The following C2orf42 variants were observed in gnomAD, a reference collection of about 807,000 sequenced individuals.
C2orf42 encodes the protein uncharacterized protein C2orf42.
C2orf42 carries 44 observed loss-of-function variants against 58.9 expected under a neutral mutation model. The observed-to-expected ratio is 0.75, with a 90% confidence interval of 0.59 to 0.96. The LOEUF is 0.96. Ranked by LOEUF, C2orf42 falls within the 40% of genes least tolerant of loss-of-function variation. The pLI, the probability that C2orf42 is intolerant of heterozygous loss-of-function variation, is 0.00. For synonymous variants in C2orf42, 239 were observed against 265.4 expected (o/e 0.90, Z 0.97); for missense variants, 630 against 699.2 (o/e 0.90, Z 1.12).
chr2:70,188,258 G>C (rs1324583660), intron 1 of C2orf42, among the ~76,000 whole-genome samples: 1 of 150,936 alleles, frequency 6.6e-6, no homozygotes, highest in African/African-American at 2.4e-5. Flanking sequence ...CGTGATCTTG[G>C]CTCACTGCAA....
rs1674666376 is a variant in C2orf42 at position 70,182,811 on chromosome 2, T to A, written c.-157A>T. Reference sequence around the variant, plus strand: ...CTGCTTAACCCAAAATCTTCTGAAGTTTGAGCTGTATGGTGTAACAATGCA... The same window carrying A: ...CTGCTTAACCCAAAATCTTCTGAAGATTGAGCTGTATGGTGTAACAATGCA... On this transcript the variant is annotated 5_prime_UTR_variant, in exon 2 of 10. Coordinates refer to ENST00000264434, the MANE Select transcript of C2orf42 (RefSeq NM_017880.3). 1 of 152,190 alleles carries A rather than the reference T, an allele frequency of 6.6e-6. No homozygotes were observed. The highest frequency in any genetic ancestry group is 2.4e-5 in the African/African-American group (1 of 41,460). The allele number at this position is 152,190 out of a possible 1,614,324, so 9.4% of individuals were successfully genotyped here.
intron 1 of C2orf42, 121 bp downstream of exon 1, chr2:70,190,852 G>A (rs956373654): frequency 8.7e-6 from 1 of 115,244 alleles, no homozygotes; most frequent in Admixed American, 9.7e-5. Context: ...GCTTTCCGCT[G>A]GGAACCCGAG....
intron 8 of C2orf42, among the ~76,000 whole-genome samples, chr2:70,163,243 T>C (rs991011313): frequency 1.3e-5 from 2 of 151,464 alleles, no homozygotes; most frequent in African/African-American, 4.9e-5. Flanking sequence ...TTGAAAAACA[T>C]ACATACATAT....
chr2:70,169,794 T>C (rs1042338847), intron 5 of C2orf42, 133 bp from the exon 6 acceptor site: 1 of 562,170 alleles, frequency 1.8e-6, no homozygotes, highest in Non-Finnish European at 3.2e-6. Context: ...AGGTTCGCCC[T>C]TGTTGCCCAG....
intron 4 of C2orf42, among the ~76,000 whole-genome samples, chr2:70,177,398 C>T (rs1024399587): frequency 1.3e-5 from 2 of 152,076 alleles, no homozygotes; most frequent in African/African-American, 4.8e-5. Context: ...CAAGATCACG[C>T]CACTGCACAA....
Position 70,181,646 on chromosome 2 carries a change from G to T in C2orf42, c.340C>A (p.Arg114=). 1 of 1,614,016 alleles carries T rather than the reference G, an allele frequency of 6.2e-7. No individual in the cohort carries two copies. Among genetic ancestry groups the T allele is most frequent in the Middle Eastern group, 1.6e-4 (1 of 6,062 alleles). ...GTIITQLSSG[R]CYVPSCLKAA... is the part of the protein sequence containing the mutation. ...TTCAGGCATGAGGGGACATAACACC[G>T]TCCAGAGCTCAGCTGAGTGATGATC... Residue 114 remains arginine, a synonymous_variant, in exon 3 of 10, where the codon CGG becomes AGG. Transcript: ENST00000264434.
At chr2:70,158,435 T>C (rs1005192495) in intron 9 of C2orf42, among the ~76,000 whole-genome samples, 4 of 144,962 alleles carry the variant, frequency 2.8e-5, no homozygotes, top group African/African-American at 2.8e-5. Flanking sequence ...TATTTATTTA[T>C]TTATTTATTT....
Position 70,181,587 on chromosome 2 carries a change from GCACTGGTTTTC to G in C2orf42, c.388_398del (p.Glu130ProfsTer53). 6.2e-7 allele frequency: 1 copy of G among 1,614,104 alleles called. No homozygotes were observed. Among genetic ancestry groups the G allele is most frequent in the Non-Finnish European group, 8.5e-7 (1 of 1,180,026 alleles). ...AGTTCACCGCCAGCTTGATGTGCTG[GCACTGGTTTTC>G]CACAACGCCTTGAGTGGCAGCTTTC... On this transcript the variant is annotated frameshift_variant, in exon 3 of 10. Transcript: ENST00000264434. LOFTEE classifies it high-confidence loss of function.
chr2:70,153,276 T>G (rs1044112234), intron 9 of C2orf42, among the ~76,000 whole-genome samples: 1 of 151,464 alleles, frequency 6.6e-6, no homozygotes, highest in African/African-American at 2.4e-5. Flanking sequence ...GCATCAGCGC[T>G]CCACATACAG....
intron 8 of C2orf42, among the ~76,000 whole-genome samples, chr2:70,164,654 A>AAATAG (rs1673283167): frequency 6.6e-6 from 1 of 151,996 alleles, no homozygotes; most frequent in African/African-American, 2.4e-5. Flanking sequence ...AAATAAAATA[A>AAATAG]AAAGGGTCAT....
intron 1 of C2orf42, among the ~76,000 whole-genome samples, chr2:70,189,849 G>A (rs1675220737): frequency 6.7e-6 from 1 of 150,348 alleles, no homozygotes; most frequent in Admixed American, 6.6e-5. Context: ...AACATAGTGA[G>A]ACCCTGTCTC....
intron 1 of C2orf42, among the ~76,000 whole-genome samples, chr2:70,187,680 AT>A (rs1216949219): frequency 6.6e-6 from 1 of 151,950 alleles, no homozygotes; most frequent in Non-Finnish European, 1.5e-5. Flanking sequence ...ATTTCAACAC[AT>A]TTATTACATT....
chr2:70,190,631 G>C (rs1451340339), intron 1 of C2orf42: 2 of 152,206 alleles, frequency 1.3e-5, no homozygotes, highest in Non-Finnish European at 1.5e-5. Context: ...CGGAACAGCG[G>C]AGGAAGACCG....
chr2:70,181,187 C>CT lies in C2orf42; in HGVS notation c.798dup (p.Asp267ArgfsTer6). ...CCGCTGGAATCAAAATTTAGGAAGTCTGAGAATTCCTGAGCCAGTGTCTCA... is the reference window on the plus strand; with the variant it reads ...CCGCTGGAATCAAAATTTAGGAAGTCTTGAGAATTCCTGAGCCAGTGTCTCA... On this transcript the variant is annotated frameshift_variant, in exon 3 of 10. Coordinates refer to ENST00000264434, the MANE Select transcript of C2orf42 (RefSeq NM_017880.3). LOFTEE classifies it high-confidence loss of function. The CT allele has an allele frequency of 6.4e-7, 1 of 1,567,620 alleles. No individual in the cohort carries two copies. Among genetic ancestry groups the CT allele is most frequent in the Non-Finnish European group, 8.7e-7 (1 of 1,153,016 alleles).
intron 1 of C2orf42, among the ~76,000 whole-genome samples, chr2:70,184,490 T>C (rs1573039180): frequency 1.0e-5 from 1 of 97,136 alleles, no homozygotes; most frequent in African/African-American, 4.8e-5. Context: ...TTTTTTTTTT[T>C]TTTTTTTTTT....
intron 3 of C2orf42, among the ~76,000 whole-genome samples, chr2:70,180,254 T>G (rs938492701): frequency 1.3e-4 from 20 of 152,144 alleles, no homozygotes; most frequent in African/African-American, 4.3e-4. Context: ...ATTGCGCCAT[T>G]GCATTCCAGC....
At chr2:70,176,835 G>A (rs890150920) in intron 4 of C2orf42, among the ~76,000 whole-genome samples, 3 of 151,962 alleles carry the variant, frequency 2.0e-5, no homozygotes, top group Non-Finnish European at 4.4e-5. Flanking sequence ...ATGGTAAAGT[G>A]GCTTTACCAT....
At chr2:70,174,327 A>T (rs975332575) in intron 5 of C2orf42, among the ~76,000 whole-genome samples, 2 of 152,122 alleles carry the variant, frequency 1.3e-5, no homozygotes, top group African/African-American at 4.8e-5. Flanking sequence ...TAAATAAATA[A>T]AAATAAATAC....
intron 5 of C2orf42, among the ~76,000 whole-genome samples, chr2:70,171,545 C>CG (rs547258522): frequency 9.8e-4 from 149 of 152,112 alleles, no homozygotes; most frequent in African/African-American, 3.5e-3. Flanking sequence ...GAGTCTTGCT[C>CG]TGTTGCCCAG....
Sources: allele counts gnomAD v4.1 joint callset (sites outside exome capture counted in the v4.1 genomes callset), GRCh38; gene constraint gnomAD v4.1.1; transcripts MANE v1.5; gene names NCBI Gene and HGNC (gene_info 2026-07-23, HGNC 2026-07-21).